Variants in CDC40 observed in about 807,000 individuals in gnomAD.
CDC40 encodes the protein cell division cycle 40.
CDC40 carries 27 observed loss-of-function variants against 80.6 expected under a neutral mutation model. The observed-to-expected ratio is 0.33, with a 90% CI of 0.25 to 0.46. CDC40 has a LOEUF of 0.46. CDC40 is among the 20% of genes least tolerant of loss of function. The pLI is 1.00. For synonymous variants in CDC40, 221 were observed against 232.6 expected (o/e 0.95, Z 0.45); for missense variants, 486 against 694.1 (o/e 0.70, Z 3.37).
chr6:110,215,060 G>T (rs1777681539), intron 8 of CDC40, among the ~76,000 whole-genome samples: 1 of 152,136 alleles, frequency 6.6e-6, no homozygotes, highest in African/African-American at 2.4e-5. Flanking sequence ...AAACTCTTTA[G>T]TTTTGAGCGT....
intron 14 of CDC40, 147 bp from the exon 15 acceptor site, chr6:110,229,807 T>C (rs1777912268): frequency 1.8e-6 from 1 of 553,010 alleles, no homozygotes; most frequent in Non-Finnish European, 3.2e-6. Context: ...GACTGCTTCA[T>C]GTTCTACCAT....
chr6:110,185,242 T>TTTTC (rs1305820408), intron 1 of CDC40, among the ~76,000 whole-genome samples: 3 of 108,602 alleles, frequency 2.8e-5, no homozygotes, highest in African/African-American at 1.2e-4. Flanking sequence ...TCTTTTTTTC[T>TTTTC]TTTTTTTTTT....
chr6:110,229,663 G>A (rs1483667506), intron 14 of CDC40, among the ~76,000 whole-genome samples: 1 of 152,128 alleles, frequency 6.6e-6, no homozygotes, highest in African/African-American at 2.4e-5. Context: ...TCCAGTCTCT[G>A]TTTCTGACTA....
chr6:110,220,347 T>C (rs1366300894), intron 12 of CDC40, among the ~76,000 whole-genome samples: 1 of 151,794 alleles, frequency 6.6e-6, no homozygotes, highest in African/African-American at 2.4e-5. Context: ...GATAAAGACA[T>C]ACCCAAGACT....
At chr6:110,218,010 G>A (rs977329128) in intron 10 of CDC40, among the ~76,000 whole-genome samples, 3 of 152,208 alleles carry the variant, frequency 2.0e-5, no homozygotes, top group African/African-American at 7.2e-5. Context: ...CCACCAGATA[G>A]ATTTTATAAA....
chr6:110,220,892 C>A (rs1433974070), intron 12 of CDC40, among the ~76,000 whole-genome samples: 2 of 152,128 alleles, frequency 1.3e-5, no homozygotes, highest in Admixed American at 1.3e-4. Context: ...TCAGTTATCT[C>A]CCACAGGGTC....
In CDC40 at chr6:110,230,403, A is replaced by G. The variant is rs1455348786; in HGVS notation, c.*272A>G. ...CAGTTTGAGTTTATACTCATGACAT[A>G]CTGAAAGCATCTCTTTGGGGTCAAG... On this transcript the variant is annotated 3_prime_UTR_variant, in exon 15 of 15. Transcript: ENST00000307731. 99 of 299,632 alleles carry G rather than the reference A, an allele frequency of 3.3e-4. No individual in the cohort carries two copies. The Middle Eastern group carries it at 4.1e-3, about 12-fold the overall frequency. The allele number at this position is 299,632 out of a possible 1,614,324, so 18.6% of individuals were successfully genotyped here.
At chr6:110,199,801 T>C (rs1777471797) in intron 2 of CDC40, among the ~76,000 whole-genome samples, 1 of 152,188 alleles carries the variant, frequency 6.6e-6, no homozygotes, top group Non-Finnish European at 1.5e-5. Context: ...TTTATCACTT[T>C]AGATTCCCCA....
At chr6:110,194,813 C>T (rs942215980) in intron 2 of CDC40, among the ~76,000 whole-genome samples, 1 of 152,176 alleles carries the variant, frequency 6.6e-6, no homozygotes, top group Non-Finnish European at 1.5e-5. Context: ...TTTATTTTCT[C>T]TGAAGCCTGC....
intron 12 of CDC40, among the ~76,000 whole-genome samples, chr6:110,225,646 C>T (rs1777847448): frequency 6.6e-6 from 1 of 152,172 alleles, no homozygotes; most frequent in Non-Finnish European, 1.5e-5. Context: ...GTTTAACACT[C>T]TCACCTCCTC....
chr6:110,218,771 A>G (rs112711521), intron 10 of CDC40, among the ~76,000 whole-genome samples: 1,910 of 152,248 alleles, frequency 0.013, 47 homozygotes, highest in African/African-American at 0.044. Flanking sequence ...TTAAAAATCA[A>G]GATAAAATAC....
intron 12 of CDC40, among the ~76,000 whole-genome samples, chr6:110,225,542 TATTTATCATC>T (rs1427791327): frequency 6.6e-6 from 1 of 152,090 alleles, no homozygotes; most frequent in Non-Finnish European, 1.5e-5. Context: ...ACCAAGCATT[TATTTATCATC>T]ATTTATCATC....
intron 12 of CDC40, among the ~76,000 whole-genome samples, chr6:110,225,188 A>G (rs139388918): frequency 2.0e-5 from 3 of 152,300 alleles, no homozygotes; most frequent in East Asian, 3.9e-4. Flanking sequence ...GCAAATTACT[A>G]TTATTTTCCA....
chr6:110,200,526 A>G (rs1443364027), intron 2 of CDC40, among the ~76,000 whole-genome samples: 1 of 152,212 alleles, frequency 6.6e-6, no homozygotes, highest in Non-Finnish European at 1.5e-5. Context: ...AAACAAACAA[A>G]AAAAGAGTTG....
chr6:110,194,516 C>T (rs565014802), intron 2 of CDC40, among the ~76,000 whole-genome samples: 17 of 152,260 alleles, frequency 1.1e-4, no homozygotes, highest in African/African-American at 3.9e-4. Flanking sequence ...AGAGCTCCAG[C>T]GATTCACTGA....
chr6:110,197,622 AC>A (rs1224057702), intron 2 of CDC40, among the ~76,000 whole-genome samples: 2 of 79,544 alleles, frequency 2.5e-5, no homozygotes, highest in Non-Finnish European at 4.7e-5. Flanking sequence ...GCTCCTGCTA[AC>A]CATTCACTCT....
At chr6:110,216,844 A>G (rs1777705499) in intron 9 of CDC40, among the ~76,000 whole-genome samples, 1 of 152,218 alleles carries the variant, frequency 6.6e-6, no homozygotes, top group African/African-American at 2.4e-5. Flanking sequence ...ATTTTTAAGT[A>G]AAGTATAATA....
intron 2 of CDC40, among the ~76,000 whole-genome samples, 179 bp from the exon 3 acceptor site, chr6:110,201,379 G>A (rs1323419909): frequency 6.6e-6 from 1 of 152,168 alleles, no homozygotes; most frequent in Non-Finnish European, 1.5e-5. Context: ...CCCAGGGGCT[G>A]ACAAATGGTG....
chr6:110,209,025 A>C (rs1341603109), intron 4 of CDC40, 59 bp from the exon 5 acceptor site: 14 of 1,056,306 alleles, frequency 1.3e-5, no homozygotes, highest in Non-Finnish European at 1.9e-5. Context: ...ATTTCTTTAG[A>C]AAATGTACAT....
Sources: allele counts gnomAD v4.1 joint callset (sites outside exome capture counted in the v4.1 genomes callset), GRCh38; gene constraint gnomAD v4.1.1; transcripts MANE v1.5; gene names NCBI Gene and HGNC (gene_info 2026-07-23, HGNC 2026-07-21).